Variants in TLK2 observed in about 807,000 individuals in gnomAD.
TLK2 encodes tousled like kinase 2, also known as serine/threonine-protein kinase tousled-like 2.
In TLK2, 6 loss-of-function variants were observed where a neutral mutation model predicts 117.3. That is an observed-to-expected ratio of 0.05 (90% CI 0.03 to 0.10). The LOEUF is 0.10. Ranked by LOEUF, TLK2 falls within the 10% of genes least tolerant of loss-of-function variation. The pLI, the probability that TLK2 is intolerant of heterozygous loss-of-function variation, is 1.00. For missense variants in TLK2, 299 were observed against 901.2 expected, an observed-to-expected ratio of 0.33 and a Z score of 8.56; for synonymous variants, 257 against 316.7, an observed-to-expected ratio of 0.81 and a Z score of 2.00.
chr17:62,478,465 G>A (rs1476286748), upstream of TLK2, among the ~76,000 whole-genome samples: 3 of 150,374 alleles, frequency 2.0e-5, no homozygotes, highest in African/African-American at 7.3e-5. Context: ...CACAAAGGCG[G>A]CGGCGGGTCC....
chr17:62,513,774 C>T (rs1489202028), intron 2 of TLK2, among the ~76,000 whole-genome samples: 1 of 151,998 alleles, frequency 6.6e-6, no homozygotes, highest in East Asian at 1.9e-4. Context: ...CTGCAACCTC[C>T]GTCTCCTGGG....
At chr17:62,590,296 A>C (rs1169200105) in intron 16 of TLK2, among the ~76,000 whole-genome samples, 6 of 151,640 alleles carry the variant, frequency 4.0e-5, no homozygotes. Context: ...TTAGCCAGGC[A>C]TGGTGGCAGG....
intron 2 of TLK2, among the ~76,000 whole-genome samples, chr17:62,488,397 T>G (rs1297354389): frequency 6.6e-6 from 1 of 151,498 alleles, no homozygotes; most frequent in Admixed American, 6.6e-5. Context: ...AGTGTCAGCT[T>G]TTTCACATAC....
At chr17:62,532,433 G>A (rs1279155863) in intron 6 of TLK2, among the ~76,000 whole-genome samples, 1 of 152,134 alleles carries the variant, frequency 6.6e-6, no homozygotes, top group Non-Finnish European at 1.5e-5. Flanking sequence ...TGGAGCCTGG[G>A]TTTAAACTGT....
intron 16 of TLK2, among the ~76,000 whole-genome samples, chr17:62,586,596 C>T (rs2081623303): frequency 6.6e-6 from 1 of 152,008 alleles, no homozygotes; most frequent in Admixed American, 6.6e-5. Flanking sequence ...CTGAGGCAGG[C>T]AGATCACGAA....
At chr17:62,538,071 T>C (rs2077241891) in intron 7 of TLK2, among the ~76,000 whole-genome samples, 1 of 148,876 alleles carries the variant, frequency 6.7e-6, no homozygotes, top group Non-Finnish European at 1.5e-5. Context: ...AGTCTGGTTC[T>C]GTCGCCCAGT....
intron 2 of TLK2, among the ~76,000 whole-genome samples, chr17:62,483,787 G>A (rs181324553): frequency 1.3e-5 from 2 of 152,162 alleles, no homozygotes; most frequent in Non-Finnish European, 2.9e-5. Flanking sequence ...ACAGGCATGA[G>A]CCACTGCACC....
intron 17 of TLK2, among the ~76,000 whole-genome samples, chr17:62,599,133 G>A (rs1487134093): frequency 1.3e-5 from 2 of 152,140 alleles, no homozygotes; most frequent in African/African-American, 4.8e-5. Flanking sequence ...TTTTAGTAGA[G>A]ACAGAGTTTC....
chr17:62,547,957 T>C (rs2078074772), intron 7 of TLK2, among the ~76,000 whole-genome samples: 1 of 152,202 alleles, frequency 6.6e-6, no homozygotes, highest in Non-Finnish European at 1.5e-5. Flanking sequence ...GTCTTCTCTA[T>C]TTCTCTGTTG....
chr17:62,510,606 C>G (rs1230965423), intron 2 of TLK2, among the ~76,000 whole-genome samples: 1 of 152,164 alleles, frequency 6.6e-6, no homozygotes, highest in African/African-American at 2.4e-5. Flanking sequence ...CTTCTGAGGC[C>G]TTTCTCCTTG....
chr17:62,509,501 TTAAAA>T (rs1366262367), intron 2 of TLK2, among the ~76,000 whole-genome samples: 1 of 152,192 alleles, frequency 6.6e-6, no homozygotes, highest in Non-Finnish European at 1.5e-5. Context: ...GTATAGATGT[TTAAAA>T]TAAAATAAAA....
intron 20 of TLK2, 112 bp downstream of exon 20, chr17:62,606,353 T>C (rs959791903): frequency 9.7e-6 from 5 of 515,622 alleles, no homozygotes; most frequent in Non-Finnish European, 1.6e-5. Flanking sequence ...TTATACAAAA[T>C]AGAATCCTGA....
intron 1 of TLK2, among the ~76,000 whole-genome samples, chr17:62,480,433 G>T (rs562729899): frequency 1.3e-5 from 2 of 152,336 alleles, no homozygotes; most frequent in Non-Finnish European, 2.9e-5. Flanking sequence ...AAAAGCAGAT[G>T]TCCAGAATCA....
At position 62,576,754 on chromosome 17, in the gene TLK2, CAGATT is replaced by C; in HGVS notation, c.1170_1174del (p.Leu391SerfsTer3). On this transcript the variant is annotated frameshift_variant, in exon 13 of 22. Coordinates refer to ENST00000346027, the MANE Select transcript of TLK2 (RefSeq NM_006852.6). LOFTEE classifies it high-confidence loss of function. The stretch of plus-strand genomic sequence containing the variant: ...ATGAACAAGAAGAAATCTTCAAACT[CAGATT>C]AGGTCATCTTAAAAAGGTAAGTATA... The C allele has an allele frequency of 6.2e-7, 1 of 1,612,706 alleles. No individual in the cohort carries two copies. The highest frequency in any genetic ancestry group is 8.5e-7 in the Non-Finnish European group (1 of 1,178,902).
At chr17:62,547,121 CCAAAG>C (rs1453410870) in intron 7 of TLK2, among the ~76,000 whole-genome samples, 1 of 151,906 alleles carries the variant, frequency 6.6e-6, no homozygotes, top group Non-Finnish European at 1.5e-5. Context: ...ATGAAATGAA[CCAAAG>C]CAGTTTGTCA....
At chr17:62,535,612 CA>C (rs1421487284) in intron 6 of TLK2, among the ~76,000 whole-genome samples, 2 of 151,458 alleles carry the variant, frequency 1.3e-5, no homozygotes, top group Non-Finnish European at 2.9e-5. Context: ...ACTAAAAATA[CA>C]AAAAAATTAG....
intron 2 of TLK2, among the ~76,000 whole-genome samples, chr17:62,503,052 C>CTTTTTTTTT (rs535547546): frequency 3.4e-5 from 3 of 87,128 alleles, no homozygotes; most frequent in African/African-American, 8.9e-5. Context: ...TTTGGCTTAA[C>CTTTTTTTTT]TTTTTTTTTT....
intron 2 of TLK2, 95 bp from the exon 3 acceptor site, chr17:62,520,676 TAA>T (rs59245612): frequency 0.056 from 47,590 of 843,882 alleles, no homozygotes; most frequent in East Asian, 0.071. Flanking sequence ...AAACTCTGTC[TAA>T]AAAAAAAAAA....
chr17:62,470,919 G>C (rs1267833056), upstream of TLK2: 3 of 152,466 alleles, frequency 2.0e-5, no homozygotes, highest in African/African-American at 4.8e-5. Context: ...AGGAATGGGG[G>C]AGGGGAGAGA....
Sources: allele counts gnomAD v4.1 joint callset (sites outside exome capture counted in the v4.1 genomes callset), GRCh38; gene constraint gnomAD v4.1.1; transcripts MANE v1.5; gene names NCBI Gene and HGNC (gene_info 2026-07-23, HGNC 2026-07-21).